Variants in PHLDB2 observed in about 807,000 individuals in gnomAD.
The protein encoded by PHLDB2 is pleckstrin homology like domain family B member 2, also known as pleckstrin homology-like domain family B member 2.
Under a neutral mutation model 123.6 loss-of-function variants are expected in PHLDB2, and 71 were observed. The observed-to-expected ratio is 0.57, with a 90% CI of 0.47 to 0.70. PHLDB2 has a LOEUF of 0.70. Ranked by LOEUF, PHLDB2 falls within the 30% of genes least tolerant of loss-of-function variation. The pLI, the probability that PHLDB2 is intolerant of heterozygous loss-of-function variation, is 0.00. For synonymous variants in PHLDB2, 547 were observed against 541.6 expected, an observed-to-expected ratio of 1.01 and a Z score of -0.14; for missense variants, 1,446 against 1,519.5, an observed-to-expected ratio of 0.95 and a Z score of 0.80.
In PHLDB2 at chr3:111,955,989, A is replaced by G. The variant is rs9818931; in HGVS notation, c.2872+1960A>G. 2.7e-3 allele frequency among the ~76,000 whole-genome samples: 415 copies of G among 152,200 alleles called. 1 individual carries two copies. Among genetic ancestry groups the G allele is most frequent in the African/African-American group, 9.3e-3 (385 of 41,528 alleles). On this transcript the variant is annotated intron_variant, in intron 12 of 17. Transcript: ENST00000431670. ...GCTGAGGAGGGAAGATTGCTTAAGA[A>G]TTTGAGACCAGCCTGGGCAACATAG...
At chr3:111,758,980 G>T (rs1293471251) in intron 1 of PHLDB2, among the ~76,000 whole-genome samples, 1 of 152,146 alleles carries the variant, frequency 6.6e-6, no homozygotes, top group Non-Finnish European at 1.5e-5. Flanking sequence ...TAGCCTATAA[G>T]CTTCATCCCA....
intron 12 of PHLDB2, among the ~76,000 whole-genome samples, chr3:111,954,361 A>G (rs748200338): frequency 6.6e-6 from 1 of 152,198 alleles, no homozygotes; most frequent in Non-Finnish European, 1.5e-5. Flanking sequence ...GCACTTAACC[A>G]AGATCACTCA....
chr3:111,835,963 G>A (rs559906108), intron 1 of PHLDB2, among the ~76,000 whole-genome samples: 1 of 152,284 alleles, frequency 6.6e-6, no homozygotes, highest in South Asian at 2.1e-4. Context: ...GATCCAAGGG[G>A]AGAAATGTAG....
chr3:111,847,660 C>G (rs1489963484), intron 2 of PHLDB2, among the ~76,000 whole-genome samples: 1 of 89,288 alleles, frequency 1.1e-5, no homozygotes, highest in East Asian at 4.5e-4. Flanking sequence ...GGCTCTGCAT[C>G]TTCCATTTCC....
intron 1 of PHLDB2, among the ~76,000 whole-genome samples, chr3:111,834,729 CTTATT>C (rs763765212): frequency 2.0e-4 from 30 of 151,920 alleles, no homozygotes; most frequent in Non-Finnish European, 4.1e-4. Context: ...ACTTGCTTTT[CTTATT>C]TTAACTTTTT....
At chr3:111,753,329 A>G (rs2107975769) in intron 1 of PHLDB2, among the ~76,000 whole-genome samples, 1 of 150,086 alleles carries the variant, frequency 6.7e-6, no homozygotes, top group Admixed American at 6.6e-5. Context: ...TGACTTTTTA[A>G]TGATTGCCAT....
In PHLDB2 at chr3:111,884,873, C is replaced by T. The variant is rs747991091; in HGVS notation, c.796C>T (p.Gln266Ter). ...LPRLYRATEN[Q>*]LTPLSLPPRN... ...CAGGTTGTACAGAGCCACAGAGAAC[C>T]AGCTGACACCTCTCAGCTTGCCTCC... The change falls in exon 2 of 18, where the codon CAG becomes TAG. Residue 266 changes from glutamine to a stop codon, truncating the protein, a stop_gained. Transcript: ENST00000431670. LOFTEE classifies it high-confidence loss of function. 6 of 1,614,012 alleles carry T rather than the reference C, an allele frequency of 3.7e-6. No individual in the cohort carries two copies. The highest frequency in any genetic ancestry group is 4.2e-6 in the Non-Finnish European group (5 of 1,180,040).
At chr3:111,909,375 TGCTTGAGTCCAGGA>T (rs1468035769) in intron 2 of PHLDB2, among the ~76,000 whole-genome samples, 1 of 151,998 alleles carries the variant, frequency 6.6e-6, no homozygotes, top group Non-Finnish European at 1.5e-5. Context: ...AGAGGAAGAT[TGCTTGAGTCCAGGA>T]GCTTGAGACC....
chr3:111,963,771 T>C (rs895489881), intron 13 of PHLDB2, among the ~76,000 whole-genome samples: 3 of 152,240 alleles, frequency 2.0e-5, no homozygotes, highest in Non-Finnish European at 4.4e-5. Context: ...TTTTAGTACA[T>C]AAGTTAAAAA....
At position 111,791,769 on chromosome 3, in the gene PHLDB2, C is replaced by T. The variant is rs115711442; in HGVS notation, c.-48-54052C>T. Among the ~76,000 whole-genome samples, 916 of 152,172 alleles carry T rather than the reference C, an allele frequency of 6.0e-3. 3 individuals are homozygous for T. The highest frequency in any genetic ancestry group is 9.0e-3 in the Non-Finnish European group (612 of 68,010). On this transcript the variant is annotated intron_variant, in intron 1 of 17. Coordinates refer to the PHLDB2 transcript ENST00000393923. ...TGCATACTATGTGTAATGATCAAAT[C>T]AGGGTAATTAGGATATCCATTGCTT...
At chr3:111,854,774 CAGAA>C (rs1394087176), upstream of PHLDB2, among the ~76,000 whole-genome samples, 1 of 152,158 alleles carries the variant, frequency 6.6e-6, no homozygotes, top group African/African-American at 2.4e-5. Flanking sequence ...TCCAGTTTCT[CAGAA>C]AGAAACATTT....
chr3:111,898,075 C>G (rs1313143767), intron 2 of PHLDB2, among the ~76,000 whole-genome samples: 1 of 151,740 alleles, frequency 6.6e-6, no homozygotes, highest in African/African-American at 2.4e-5. Flanking sequence ...AATCTTTTTG[C>G]TAGTGGAGGG....
intron 9 of PHLDB2, 141 bp from the exon 10 acceptor site, chr3:111,948,791 C>T: frequency 1.5e-6 from 1 of 689,170 alleles, no homozygotes; most frequent in Non-Finnish European, 2.3e-6. Flanking sequence ...GCTGATTATT[C>T]CTTTAATGAA....
rs933069665 is a variant in PHLDB2, at chr3:111,976,016, T to A, written c.*1453T>A. Reference sequence around the variant, plus strand: ...AACAGTGAAGGACAAAAATCATGATTGTGGAAGATATTTTTAAAATCTGAT... The same window carrying A: ...AACAGTGAAGGACAAAAATCATGATAGTGGAAGATATTTTTAAAATCTGAT... On this transcript the variant is annotated 3_prime_UTR_variant, in exon 18 of 18. Transcript: ENST00000431670. The A allele has an allele frequency of 2.0e-5, 3 of 152,650 alleles. No individual in the cohort carries two copies. Among genetic ancestry groups the A allele is most frequent in the Non-Finnish European group, 2.9e-5 (2 of 68,022 alleles). 9.5% of individuals were successfully genotyped at this position (152,650 alleles called of 1,614,324 possible). A position where few individuals can be genotyped will look rare whatever the true frequency, so the allele number is the denominator to read the frequency against.
intron 1 of PHLDB2, among the ~76,000 whole-genome samples, chr3:111,823,930 TC>T (rs1361261667): frequency 6.6e-6 from 1 of 152,204 alleles, no homozygotes; most frequent in Non-Finnish European, 1.5e-5. Context: ...CGTATCTGTC[TC>T]TTTAGGTAAC....
At chr3:111,929,786 T>C (rs980931449) in intron 5 of PHLDB2, among the ~76,000 whole-genome samples, 1 of 152,212 alleles carries the variant, frequency 6.6e-6, no homozygotes, top group Non-Finnish European at 1.5e-5. Flanking sequence ...ACAGCATTAC[T>C]GATAAACAGA....
chr3:111,946,837 G>A (rs2070344579), intron 9 of PHLDB2, among the ~76,000 whole-genome samples: 1 of 152,178 alleles, frequency 6.6e-6, no homozygotes, highest in Admixed American at 6.5e-5. Context: ...AGTAAGAGAG[G>A]GAGATGCAGG....
chr3:111,744,422 G>T (rs545338548), intron 1 of PHLDB2, among the ~76,000 whole-genome samples: 19 of 152,266 alleles, frequency 1.2e-4, no homozygotes, highest in African/African-American at 4.6e-4. Context: ...TATAACTTTG[G>T]ATTTATTCAC....
chr3:111,962,168 C>T lies in PHLDB2; in HGVS notation c.2933C>T (p.Thr978Ile). 6.3e-7 allele frequency: 1 copy of T among 1,585,808 alleles called. No individual in the cohort carries two copies. Among genetic ancestry groups the T allele is most frequent in the South Asian group, 1.2e-5 (1 of 85,796 alleles). ...CAGAAATCTGAATTTTATAACCGCA[C>T]AGCATCTGAATCAAATGTCTACTTG... Reference protein sequence around the residue: ...HRQKSEFYNRTASESNVYLNS... With the variant: ...HRQKSEFYNRIASESNVYLNS... The change falls in exon 13 of 18, where the codon ACA becomes ATA. Residue 978 changes from threonine (T) to isoleucine (I), a missense_variant. Thr to Ile is a moderately conservative substitution (Grantham distance 89). Coordinates refer to ENST00000431670, the MANE Select transcript of PHLDB2 (RefSeq NM_001134438.2).
Sources: allele counts gnomAD v4.1 joint callset (sites outside exome capture counted in the v4.1 genomes callset), GRCh38; gene constraint gnomAD v4.1.1; transcripts MANE v1.5; gene names NCBI Gene and HGNC (gene_info 2026-07-23, HGNC 2026-07-21).